The following STK31 variants were observed in gnomAD, a reference collection of about 807,000 sequenced individuals.
STK31 encodes the protein serine/threonine-protein kinase 31.
STK31 carries 89 observed loss-of-function variants against 129.7 expected under a neutral mutation model. The ratio of observed to expected loss-of-function variants is 0.69; its 90% CI spans 0.58 to 0.82. The LOEUF (loss-of-function observed/expected upper bound fraction) is 0.82, where lower values mean the gene tolerates loss of function less well. Ranked by LOEUF, STK31 falls within the 40% of genes least tolerant of loss-of-function variation. The probability of loss-of-function intolerance (pLI) is 0.00; values close to 1 mark genes in which losing one functional copy is unlikely to be tolerated. For synonymous variants in STK31, 448 were observed against 395.3 expected, an observed-to-expected ratio of 1.13 and a Z score of -1.58; for missense variants, 1,187 against 1,176.4, an observed-to-expected ratio of 1.01 and a Z score of -0.13.
At chr7:23,773,204 C>T (rs1790314770) in intron 15 of STK31, among the ~76,000 whole-genome samples, 1 of 152,016 alleles carries the variant, frequency 6.6e-6, no homozygotes, top group African/African-American at 2.4e-5. Flanking sequence ...AGACCCCCAC[C>T]CCCTGACAGG....
At chr7:23,727,349 T>G in intron 5 of STK31, 34 bp downstream of exon 5, 1 of 1,595,350 alleles carries the variant, frequency 6.3e-7, no homozygotes, top group Non-Finnish European at 8.6e-7. Flanking sequence ...TTTTTTGCTT[T>G]AAGAAATATT....
chr7:23,778,592 G>A (rs1482183825), intron 15 of STK31, among the ~76,000 whole-genome samples: 2 of 151,494 alleles, frequency 1.3e-5, no homozygotes, highest in Non-Finnish European at 2.9e-5. Flanking sequence ...GATCTTCAAT[G>A]TCTGATATCC....
intron 6 of STK31, among the ~76,000 whole-genome samples, chr7:23,731,415 C>T (rs1250294208): frequency 3.9e-5 from 6 of 152,066 alleles, no homozygotes; most frequent in Non-Finnish European, 7.4e-5. Context: ...GTATATAAAG[C>T]CTATAAAGTT....
chr7:23,806,744 C>CA (rs1792731160), intron 22 of STK31, among the ~76,000 whole-genome samples: 2 of 151,698 alleles, frequency 1.3e-5, no homozygotes, highest in African/African-American at 2.4e-5. Flanking sequence ...ACTAAAAGTA[C>CA]AAAAAATCAG....
At chr7:23,757,141 G>T (rs777284237) in intron 10 of STK31, among the ~76,000 whole-genome samples, 10 of 152,084 alleles carry the variant, frequency 6.6e-5, no homozygotes, top group Non-Finnish European at 1.3e-4. Context: ...TGGTCGGTAG[G>T]CTGTTAATTA....
intron 23 of STK31, among the ~76,000 whole-genome samples, chr7:23,828,061 A>T (rs1794287287): frequency 6.6e-6 from 1 of 152,234 alleles, no homozygotes; most frequent in Non-Finnish European, 1.5e-5. Context: ...TTGAGGAGGC[A>T]GTCTGCCTGT....
chr7:23,730,878 A>ATATATATATTTTTTTTTTTTTTTTTT, intron 6 of STK31, among the ~76,000 whole-genome samples: 2 of 59,550 alleles, frequency 3.4e-5, no homozygotes, highest in Non-Finnish European at 6.6e-5. Context: ...ATATATATAT[A>ATATATATATTTTTTTTTTTTTTTTTT]TTTTTTTTTT....
intron 17 of STK31, among the ~76,000 whole-genome samples, chr7:23,785,199 G>A (rs895603864): frequency 1.3e-5 from 2 of 152,060 alleles, no homozygotes; most frequent in Non-Finnish European, 1.5e-5. Context: ...TAAACATTAG[G>A]GATCCTAGGA....
At chr7:23,710,914 A>G (rs978107686) in intron 1 of STK31, 6 of 582,678 alleles carry the variant, frequency 1.0e-5, no homozygotes, top group Middle Eastern at 1.7e-3. Context: ...CCTAAAAGTT[A>G]TTACAGCTTT....
At chr7:23,757,714 A>G (rs1459150061) in intron 10 of STK31, among the ~76,000 whole-genome samples, 1 of 151,678 alleles carries the variant, frequency 6.6e-6, no homozygotes, top group Non-Finnish European at 1.5e-5. Flanking sequence ...TCTCAACTGC[A>G]AAGAGGCCTT....
Position 23,755,285 on chromosome 7 carries a change from A to G in STK31, c.1293+811A>G, listed in dbSNP as rs537868259. 3.3e-5 allele frequency: 5 copies of G among 152,284 alleles called. No individual in the cohort carries two copies. The East Asian group carries it at 9.6e-4, about 29-fold the overall frequency. The allele number at this position is 152,284 out of a possible 1,614,324, so 9.4% of individuals were successfully genotyped here. ...TTTTTTTCATATGTTTGTTGGCCAC[A>G]TAAATGTCTTCTTTTGAGAAGTGCC... On this transcript the variant is annotated intron_variant, in intron 10 of 23. Transcript: ENST00000355870.
At chr7:23,764,874 A>G (rs1789711152) in intron 11 of STK31, among the ~76,000 whole-genome samples, 1 of 152,090 alleles carries the variant, frequency 6.6e-6, no homozygotes, top group African/African-American at 2.4e-5. Context: ...ATGTACCTCC[A>G]AACCTAAACT....
chr7:23,819,126 C>G (rs1390489589), intron 23 of STK31, among the ~76,000 whole-genome samples: 1 of 152,110 alleles, frequency 6.6e-6, no homozygotes, highest in South Asian at 2.1e-4. Flanking sequence ...GACTTTTGTT[C>G]CTGATCTACT....
At chr7:23,798,049 G>A (rs902054972) in intron 22 of STK31, among the ~76,000 whole-genome samples, 3 of 152,126 alleles carry the variant, frequency 2.0e-5, no homozygotes, top group Admixed American at 6.5e-5. Flanking sequence ...GACTAAATCA[G>A]CAAGAAGTCG....
intron 8 of STK31, among the ~76,000 whole-genome samples, chr7:23,745,781 G>A (rs939739604): frequency 1.3e-5 from 2 of 152,122 alleles, no homozygotes; most frequent in South Asian, 4.1e-4. Flanking sequence ...AGTGACAATG[G>A]TGGTTGTGGG....
At chr7:23,802,539 A>C (rs10277285) in intron 22 of STK31, among the ~76,000 whole-genome samples, 42,031 of 152,012 alleles carry the variant, frequency 0.28, 6,186 homozygotes, top group Non-Finnish European at 0.33. Flanking sequence ...TTTAAGACGC[A>C]GTCTCACTCT....
chr7:23,811,281 CA>C, intron 22 of STK31: 1 of 386,564 alleles, frequency 2.6e-6, no homozygotes, highest in Non-Finnish European at 5.0e-6. Context: ...TTGAAATTAG[CA>C]AGTATGTGCT....
intron 23 of STK31, among the ~76,000 whole-genome samples, chr7:23,822,074 G>A (rs934692415): frequency 5.3e-5 from 8 of 152,058 alleles, no homozygotes; most frequent in African/African-American, 1.9e-4. Flanking sequence ...TCAGTGTGAT[G>A]CCTCCACCTT....
intron 22 of STK31, among the ~76,000 whole-genome samples, chr7:23,809,413 A>C (rs1792943209): frequency 6.6e-6 from 1 of 151,980 alleles, no homozygotes; most frequent in African/African-American, 2.4e-5. Context: ...CTTACTTCTT[A>C]TTTTACTGAA....
Sources: gnomAD v4.1 joint callset for allele counts (sites outside exome capture counted in the v4.1 genomes callset) on GRCh38, gnomAD v4.1.1 for gene constraint, MANE v1.5 for transcripts, NCBI Gene and HGNC (gene_info 2026-07-23, HGNC 2026-07-21) for gene names.